The following ZNF724 variants were observed in gnomAD, a reference collection of about 807,000 sequenced individuals.
ZNF724 encodes the protein zinc finger protein 724.
A neutral mutation model predicts 29.3 loss-of-function variants in ZNF724; 14 were observed. The ratio of observed to expected loss-of-function variants is 0.48; its 90% CI spans 0.32 to 0.75. The LOEUF (loss-of-function observed/expected upper bound fraction) is 0.75. ZNF724 is among the 30% of genes least tolerant of loss of function. The pLI is 0.04. For synonymous variants in ZNF724, 180 were observed against 193.6 expected (o/e 0.93, Z 0.58); for missense variants, 557 against 571.2 (o/e 0.98, Z 0.25).
In ZNF724 at chr19:23,229,208, C is replaced by T. The variant is rs1178121693; in HGVS notation, c.226+2058G>A. Among the ~76,000 whole-genome samples the T allele has an allele frequency of 5.3e-5, 8 of 152,246 alleles. No homozygotes were observed. In the East Asian group the frequency reaches 1.2e-3, roughly 22 times the overall value. On this transcript the variant is annotated intron_variant, in intron 3 of 3. Transcript: ENST00000418100. The stretch of plus-strand genomic sequence containing the variant: ...GGTGGTAAACTACAGGACCTCTGTT[C>T]TTGGCTACAGACTGAAAAATAGCCT...
At position 23,250,248 on chromosome 19, in the gene ZNF724, G is replaced by GGC; in HGVS notation, c.-8_-7dup. ...GGAGCCGCCACTCTCACCATTTCTA[G>GGC]GCTTCCAGGGGAGGCCCTGGCGTCT... On this transcript the variant is annotated 5_prime_UTR_variant, in exon 1 of 4. Transcript: ENST00000418100. 1.5e-6 allele frequency: 1 copy of GGC among 688,608 alleles called. No homozygotes were observed. Among genetic ancestry groups the GGC allele is most frequent in the South Asian group, 1.3e-5 (1 of 75,154 alleles). 42.7% of individuals were successfully genotyped at this position (688,608 alleles called of 1,614,324 possible).
intron 1 of ZNF724, 27 bp from the exon 2 acceptor site, chr19:23,232,320 C>T (rs776369601): frequency 6.9e-6 from 8 of 1,151,722 alleles, no homozygotes; most frequent in East Asian, 2.4e-5. Context: ...CACATATTTA[C>T]GAAGTGGCCA....
intron 1 of ZNF724, among the ~76,000 whole-genome samples, chr19:23,247,653 T>C (rs1000890895): frequency 6.6e-6 from 1 of 152,210 alleles, no homozygotes; most frequent in African/African-American, 2.4e-5. Flanking sequence ...CTCACTGAGA[T>C]GAGGTTTTTA....
chr19:23,231,189 C>T (rs1971928432), intron 3 of ZNF724, 77 bp downstream of exon 3: 5 of 1,063,106 alleles, frequency 4.7e-6, no homozygotes, highest in Admixed American at 2.3e-5. Flanking sequence ...GGCCCCAAAT[C>T]GTATTTCAAA....
intron 3 of ZNF724, among the ~76,000 whole-genome samples, chr19:23,230,167 A>G (rs1971910774): frequency 6.6e-6 from 1 of 152,136 alleles, no homozygotes; most frequent in Non-Finnish European, 1.5e-5. Flanking sequence ...TTCTTAGAAC[A>G]AATTTAACCA....
chr19:23,227,227 T>C (rs1195716099), intron 3 of ZNF724, among the ~76,000 whole-genome samples: 1 of 151,788 alleles, frequency 6.6e-6, no homozygotes, highest in Non-Finnish European at 1.5e-5. Context: ...TAAATGTATG[T>C]TATTCTTATA....
At chr19:23,240,239 G>A (rs1170913035) in intron 1 of ZNF724, among the ~76,000 whole-genome samples, 1 of 147,992 alleles carries the variant, frequency 6.8e-6, no homozygotes, top group Non-Finnish European at 1.5e-5. Context: ...TTACTTGAAC[G>A]CAGGAGGTGG....
At chr19:23,225,784 TGAG>T (rs1393302802) in intron 3 of ZNF724, among the ~76,000 whole-genome samples, 1 of 152,146 alleles carries the variant, frequency 6.6e-6, no homozygotes, top group Non-Finnish European at 1.5e-5. Context: ...TGTCAAGGGC[TGAG>T]GAGAGGGGAA....
intron 1 of ZNF724, among the ~76,000 whole-genome samples, chr19:23,240,717 T>TAAA (rs34692737): frequency 0.014 from 1,481 of 108,656 alleles, 46 homozygotes; most frequent in African/African-American, 0.051. Flanking sequence ...GGATTCCACC[T>TAAA]AAAAAAAAAA....
intron 1 of ZNF724, among the ~76,000 whole-genome samples, chr19:23,237,008 A>AC (rs888718937): frequency 8.6e-5 from 13 of 150,922 alleles, no homozygotes; most frequent in Non-Finnish European, 1.8e-4. Context: ...ACCCACCACC[A>AC]CCCCCCGCTA....
At chr19:23,245,613 C>CA (rs879269701) in intron 1 of ZNF724, among the ~76,000 whole-genome samples, 2,381 of 137,714 alleles carry the variant, frequency 0.017, 59 homozygotes, top group African/African-American at 0.051. Flanking sequence ...GACTCCATCT[C>CA]AAAAAAAAAA....
intron 1 of ZNF724, among the ~76,000 whole-genome samples, chr19:23,247,303 T>C (rs1330979840): frequency 6.6e-6 from 1 of 152,220 alleles, no homozygotes; most frequent in African/African-American, 2.4e-5. Context: ...TTTTTAACAA[T>C]GGAATATATG....
chr19:23,249,940 C>T (rs1188812636), intron 1 of ZNF724, among the ~76,000 whole-genome samples: 1 of 152,202 alleles, frequency 6.6e-6, no homozygotes, highest in Admixed American at 6.5e-5. Context: ...CCTGACTACC[C>T]TCCCTTGGTC....
chr19:23,223,562 C>T lies in ZNF724; in HGVS notation c.683G>A (p.Cys228Tyr), dbSNP rs1250544988. 6 of 726,704 alleles carry T rather than the reference C, an allele frequency of 8.3e-6. No individual in the cohort carries two copies. The highest frequency in any genetic ancestry group is 1.5e-5 in the Non-Finnish European group (6 of 391,584). 45.0% of individuals were successfully genotyped at this position (726,704 alleles called of 1,614,324 possible). A position where few individuals can be genotyped will look rare whatever the true frequency, so the allele number is the denominator to read the frequency against. The change falls in exon 4 of 4, where the codon TGT becomes TAT. Residue 228 changes from cysteine to tyrosine, a missense_variant. Physicochemically the swap from Cys to Tyr is radical, Grantham distance 194 (BLOSUM62 -2). Coordinates refer to ENST00000418100, the MANE Select transcript of ZNF724 (RefSeq NM_001355404.2). ...RIHTGQKHYK[C>Y]EECGIAFNKS... Reference sequence around the variant, plus strand: ...GTTAAAGGCTATGCCACATTCTTCACATTTGTAGTGTTTTTGTCCTGTATG... The same window carrying T: ...GTTAAAGGCTATGCCACATTCTTCATATTTGTAGTGTTTTTGTCCTGTATG...
At position 23,232,433 on chromosome 19, in the gene ZNF724, A is replaced by T. The variant is rs762633908; in HGVS notation, c.4-140T>A. ...AATTATCCAAATGAAGTAATTTTAAAGACAGAAATATTCTCTGATGTACTC... is the reference window on the plus strand; with the variant it reads ...AATTATCCAAATGAAGTAATTTTAATGACAGAAATATTCTCTGATGTACTC... On this transcript the variant is annotated intron_variant, in intron 1 of 3. Transcript: ENST00000418100. The T allele has an allele frequency of 2.4e-5, 14 of 593,676 alleles. No homozygotes were observed. In the East Asian group the frequency reaches 4.1e-4, roughly 17 times the overall value. The allele number at this position is 593,676 out of a possible 1,614,324, so 36.8% of individuals were successfully genotyped here. A position where few individuals can be genotyped will look rare whatever the true frequency, so the allele number is the denominator to read the frequency against.
At chr19:23,229,953 T>C (rs747785101) in intron 3 of ZNF724, among the ~76,000 whole-genome samples, 7 of 152,170 alleles carry the variant, frequency 4.6e-5, no homozygotes, top group Non-Finnish European at 1.0e-4. Flanking sequence ...AGGTAAAAAG[T>C]TGCTGTTTGT....
chr19:23,227,555 C>CAAAAA (rs1370441801), intron 3 of ZNF724, among the ~76,000 whole-genome samples: 6 of 76,072 alleles, frequency 7.9e-5, no homozygotes, highest in African/African-American at 1.4e-4. Flanking sequence ...GGCTCCATCT[C>CAAAAA]AAAAAAAAAA....
intron 3 of ZNF724, among the ~76,000 whole-genome samples, chr19:23,224,462 C>T (rs978990802): frequency 3.9e-5 from 6 of 152,000 alleles, no homozygotes; most frequent in African/African-American, 9.7e-5. Context: ...ACCAAAGACC[C>T]TAATTTCCTT....
rs749472349 is a variant in ZNF724, at chr19:23,222,359, G to A, written c.*26C>T. On this transcript the variant is annotated 3_prime_UTR_variant, in exon 4 of 4. Transcript: ENST00000418100. ...CCCAAAGTGCTGGGATTACAGGTGTGAGCCACCACGCCTGGTCCATTTTTC... is the reference window on the plus strand; with the variant it reads ...CCCAAAGTGCTGGGATTACAGGTGTAAGCCACCACGCCTGGTCCATTTTTC... 4.1e-5 allele frequency: 37 copies of A among 911,950 alleles called. No individual in the cohort carries two copies. Among genetic ancestry groups the A allele is most frequent in the Non-Finnish European group, 6.0e-5 (35 of 584,800 alleles). The allele number at this position is 911,950 out of a possible 1,614,324, so 56.5% of individuals were successfully genotyped here.
Sources: allele counts gnomAD v4.1 joint callset (sites outside exome capture counted in the v4.1 genomes callset), GRCh38; gene constraint gnomAD v4.1.1; transcripts MANE v1.5; gene names NCBI Gene and HGNC (gene_info 2026-07-23, HGNC 2026-07-21).